DNAH9: variants seen among roughly 807,000 people sequenced by gnomAD.
DNAH9 encodes the protein dynein axonemal heavy chain 9.
In DNAH9, 345 loss-of-function variants were observed where a neutral mutation model predicts 471.6. The ratio of observed to expected loss-of-function variants is 0.73; its 90% CI spans 0.67 to 0.80. The LOEUF (loss-of-function observed/expected upper bound fraction) is 0.80, where lower values mean the gene tolerates loss of function less well. DNAH9 is among the 30% of genes least tolerant of loss of function. The probability of loss-of-function intolerance (pLI) is 0.00; values close to 1 mark genes in which losing one functional copy is unlikely to be tolerated. For synonymous variants in DNAH9, 2,093 were observed against 2,123.6 expected (o/e 0.99, Z 0.40); for missense variants, 5,407 against 5,609.2 (o/e 0.96, Z 1.15).
chr17:11,926,447 G>A (rs142424852), intron 62 of DNAH9, among the ~76,000 whole-genome samples: 12 of 152,004 alleles, frequency 7.9e-5, no homozygotes, highest in South Asian at 2.1e-4. Flanking sequence ...TTTGTTCCCC[G>A]CCCCGTGTGT....
At chr17:11,640,247 G>T (rs369015094) in intron 9 of DNAH9, 23 bp from the exon 10 acceptor site, 2 of 1,506,246 alleles carry the variant, frequency 1.3e-6, no homozygotes. Flanking sequence ...ACTCATTTCG[G>T]TCTGTCTGTG....
rs554057220 is a variant in DNAH9, at chr17:11,805,013, C to A, written c.8421-2719C>A. Among the ~76,000 whole-genome samples the A allele has an allele frequency of 3.3e-5, 5 of 151,530 alleles. No individual in the cohort carries two copies. In the East Asian group the frequency reaches 7.7e-4, roughly 23 times the overall value. On this transcript the variant is annotated intron_variant, in intron 43 of 68. Coordinates refer to ENST00000262442, the MANE Select transcript of DNAH9 (RefSeq NM_001372.4). ...AGGTTACAGTGAGCTGAGATCCCAC[C>A]ATTACACTCCAGCCTGGGCGAGAAA... is the stretch of plus-strand genomic sequence containing the variant.
rs140442511 is a variant in DNAH9, at chr17:11,618,743, C to T, written c.1117-805C>T. ...TTTTGCAGGCTGCAAAATACTGTTA[C>T]ATTCATGATTTCTATCAATCATCAA... is the stretch of plus-strand genomic sequence containing the variant. On this transcript the variant is annotated intron_variant, in intron 5 of 68. Transcript: ENST00000262442. Among the ~76,000 whole-genome samples the T allele has an allele frequency of 2.4e-3, 365 of 152,234 alleles. 2 individuals carry two copies. Among genetic ancestry groups the T allele is most frequent in the African/African-American group, 8.3e-3 (344 of 41,540 alleles).
At chr17:11,604,834 A>G (rs2072465306) in intron 1 of DNAH9, among the ~76,000 whole-genome samples, 1 of 152,270 alleles carries the variant, frequency 6.6e-6, no homozygotes, top group African/African-American at 2.4e-5. Flanking sequence ...CTTCTGTATT[A>G]TAGCACCAAC....
At chr17:11,756,112 C>CA (rs1410813172) in intron 33 of DNAH9, among the ~76,000 whole-genome samples, 6 of 152,030 alleles carry the variant, frequency 3.9e-5, no homozygotes, top group Middle Eastern at 3.4e-3. Context: ...CCCGTCTCTA[C>CA]AAAAAATACA....
At chr17:11,948,180 C>G (rs549133024) in intron 67 of DNAH9, among the ~76,000 whole-genome samples, 2 of 148,658 alleles carry the variant, frequency 1.3e-5, no homozygotes, top group South Asian at 4.3e-4. Context: ...TGAAGCTGTT[C>G]AAGTTTTAAA....
At chr17:11,636,090 T>C (rs1402150007) in intron 8 of DNAH9, among the ~76,000 whole-genome samples, 2 of 152,202 alleles carry the variant, frequency 1.3e-5, no homozygotes, top group Admixed American at 6.5e-5. Flanking sequence ...CACTGCAAAC[T>C]CCGCCTCCCA....
intron 52 of DNAH9, among the ~76,000 whole-genome samples, chr17:11,874,542 C>T (rs949941350): frequency 1.3e-5 from 2 of 151,984 alleles, no homozygotes; most frequent in Non-Finnish European, 2.9e-5. Flanking sequence ...GGAGCAAACC[C>T]ACTAGGCATG....
intron 45 of DNAH9, among the ~76,000 whole-genome samples, chr17:11,815,645 G>A (rs1048275175): frequency 3.9e-5 from 6 of 151,972 alleles, no homozygotes; most frequent in African/African-American, 1.5e-4. Flanking sequence ...AAAGAGTATC[G>A]GGGCTTGATG....
At chr17:11,666,538 C>T (rs942928622) in intron 15 of DNAH9, among the ~76,000 whole-genome samples, 7 of 152,144 alleles carry the variant, frequency 4.6e-5, no homozygotes, top group South Asian at 2.1e-4. Flanking sequence ...AATTCTCCTT[C>T]GAACGGGTGG....
In DNAH9 at chr17:11,628,361, C is replaced by T. The variant is rs185227744; in HGVS notation, c.1351-1056C>T. 1.8e-4 allele frequency among the ~76,000 whole-genome samples: 27 copies of T among 152,318 alleles called. 1 individual carries two copies. In the East Asian group the frequency reaches 3.7e-3, roughly 21 times the overall value. ...CACCTGTCATTGGATCTCAAGCACA[C>T]CTGGGACACTGCCACATTAATAACA... On this transcript the variant is annotated intron_variant, in intron 6 of 68. Coordinates refer to ENST00000262442, the MANE Select transcript of DNAH9 (RefSeq NM_001372.4).
intron 17 of DNAH9, among the ~76,000 whole-genome samples, chr17:11,678,544 G>A (rs1383077120): frequency 6.6e-6 from 1 of 152,216 alleles, no homozygotes; most frequent in Non-Finnish European, 1.5e-5. Flanking sequence ...TTATTCTACT[G>A]TGTCCTGGCT....
At position 11,644,642 on chromosome 17, in the gene DNAH9, C is replaced by A; in HGVS notation, c.1913C>A (p.Ser638Tyr). The change falls in exon 11 of 69, where the codon TCT (serine) becomes TAT (tyrosine). Residue 638 changes from serine to tyrosine, a missense_variant. Coordinates refer to ENST00000262442, the MANE Select transcript of DNAH9 (RefSeq NM_001372.4). The stretch of plus-strand genomic sequence containing the variant: ...TTTTGTACGAGTAGTTGCATGGAAT[C>A]TGCAGAAGGAAAGCGAATGCAACAA... ...FGRITHPCME[S>Y]AEGKRMQQKY... 1 of 1,611,246 alleles carries A rather than the reference C, an allele frequency of 6.2e-7. No individual in the cohort carries two copies. Among genetic ancestry groups the A allele is most frequent in the Non-Finnish European group, 8.5e-7 (1 of 1,177,858 alleles).
At chr17:11,821,434 C>G (rs1970306166) in intron 45 of DNAH9, among the ~76,000 whole-genome samples, 1 of 152,102 alleles carries the variant, frequency 6.6e-6, no homozygotes, top group Admixed American at 6.5e-5. Flanking sequence ...TGAAGCCATT[C>G]TGCTTTCTCC....
chr17:11,794,929 T>C (rs1289246913), intron 42 of DNAH9, among the ~76,000 whole-genome samples: 1 of 58,606 alleles, frequency 1.7e-5, no homozygotes, highest in East Asian at 6.1e-4. Context: ...TGTTGTGGGG[T>C]GGGGGGAGGG....
chr17:11,959,141 T>A (rs1975866877), intron 67 of DNAH9, among the ~76,000 whole-genome samples: 1 of 152,158 alleles, frequency 6.6e-6, no homozygotes, highest in South Asian at 2.1e-4. Context: ...ACTTAAAGGA[T>A]ATCCAAAGAA....
intron 17 of DNAH9, among the ~76,000 whole-genome samples, chr17:11,671,180 C>T (rs537790001): frequency 2.0e-5 from 3 of 152,276 alleles, no homozygotes; most frequent in East Asian, 3.9e-4. Context: ...TTCATTGCTA[C>T]GTCTGGTAAT....
At chr17:11,827,543 C>T (rs1970539250) in intron 48 of DNAH9, among the ~76,000 whole-genome samples, 1 of 152,182 alleles carries the variant, frequency 6.6e-6, no homozygotes. Context: ...CTAAGCCATT[C>T]ATGAGACATA....
chr17:11,824,602 A>T (rs534587579), intron 48 of DNAH9, among the ~76,000 whole-genome samples: 2 of 152,146 alleles, frequency 1.3e-5, no homozygotes, highest in African/African-American at 4.8e-5. Flanking sequence ...TTTCAAGTTT[A>T]CCCTCACCAA....
Sources: gnomAD v4.1 joint callset for allele counts (sites outside exome capture counted in the v4.1 genomes callset) on GRCh38, gnomAD v4.1.1 for gene constraint, MANE v1.5 for transcripts, NCBI Gene and HGNC (gene_info 2026-07-23, HGNC 2026-07-21) for gene names.